Variants in TTC28 observed in about 807,000 individuals in gnomAD.
TTC28 encodes tetratricopeptide repeat protein 28.
TTC28 carries 61 observed loss-of-function variants against 198.0 expected under a neutral mutation model. The ratio of observed to expected loss-of-function variants is 0.31; its 90% CI spans 0.25 to 0.38. The LOEUF (loss-of-function observed/expected upper bound fraction) is 0.38, where lower values mean the gene tolerates loss of function less well. Ranked by LOEUF, TTC28 falls within the 10% of genes least tolerant of loss-of-function variation. The pLI is 1.00. For synonymous variants in TTC28, 1,171 were observed against 1,297.8 expected, an observed-to-expected ratio of 0.90 and a Z score of 2.10; for missense variants, 2,678 against 3,164.0, an observed-to-expected ratio of 0.85 and a Z score of 3.69.
chr22:28,467,919 G>T (rs932091364), intron 2 of TTC28, among the ~76,000 whole-genome samples: 4 of 151,906 alleles, frequency 2.6e-5, no homozygotes, highest in Admixed American at 6.6e-5. Flanking sequence ...ATGCCACTGC[G>T]CCCGGCTAAT....
chr22:28,214,232 A>G (rs1312581596), intron 5 of TTC28, among the ~76,000 whole-genome samples: 2 of 152,234 alleles, frequency 1.3e-5, no homozygotes, highest in East Asian at 1.9e-4. Context: ...CAAGGACTTC[A>G]TGTCTAAAAC....
chr22:28,254,410 ATTACAAGG>A (rs934154903), intron 5 of TTC28, among the ~76,000 whole-genome samples: 1 of 152,078 alleles, frequency 6.6e-6, no homozygotes, highest in African/African-American at 2.4e-5. Flanking sequence ...TGAAGAAGCA[ATTACAAGG>A]TAATAAAGAA....
At chr22:28,335,134 T>C (rs2045689139) in intron 2 of TTC28, among the ~76,000 whole-genome samples, 1 of 152,214 alleles carries the variant, frequency 6.6e-6, no homozygotes, top group Non-Finnish European at 1.5e-5. Context: ...TTGCTTGTTT[T>C]TGTCAGGTTT....
chr22:27,998,697 G>A lies in TTC28; in HGVS notation c.4962C>T (p.Leu1654=), dbSNP rs187345071. 3.0e-3 allele frequency: 4,602 copies of A among 1,550,934 alleles called. 9 individuals carry two copies. Among genetic ancestry groups the A allele is most frequent in the Admixed American group, 3.9e-3 (199 of 51,014 alleles). The change falls in exon 16 of 23, where the codon CTC becomes CTT. Residue 1654 remains leucine (L), a synonymous_variant. Transcript: ENST00000397906. ...CCACTGGCACAGGCCACAGAGACACGAGGACACACTGAGCGCCGGCAGCCA... is the reference window on the plus strand; with the variant it reads ...CCACTGGCACAGGCCACAGAGACACAAGGACACACTGAGCGCCGGCAGCCA... The part of the protein sequence containing the change: ...AFLAAGAQCV[L]VSLWPVPVAA...
At chr22:28,154,777 AATTATTTTATT>A in intron 6 of TTC28, among the ~76,000 whole-genome samples, 1 of 152,342 alleles carries the variant, frequency 6.6e-6, no homozygotes, top group East Asian at 1.9e-4. Context: ...AATCATTTTA[AATTATTTTATT>A]ATAAAACAAA....
At chr22:28,608,629 A>C (rs1049449332) in intron 2 of TTC28, among the ~76,000 whole-genome samples, 4 of 151,974 alleles carry the variant, frequency 2.6e-5, no homozygotes, top group Non-Finnish European at 5.9e-5. Flanking sequence ...GAAGGACCTA[A>C]GAAGCTCCTA....
chr22:28,391,748 CT>C (rs898734654), intron 2 of TTC28, among the ~76,000 whole-genome samples: 1 of 152,116 alleles, frequency 6.6e-6, no homozygotes, highest in African/African-American at 2.4e-5. Flanking sequence ...TTCTTCTAAA[CT>C]TTTTTGAAAG....
intron 6 of TTC28, among the ~76,000 whole-genome samples, chr22:28,143,993 A>G (rs1049258173): frequency 5.3e-5 from 8 of 152,160 alleles, no homozygotes; most frequent in Non-Finnish European, 1.0e-4. Flanking sequence ...GAAAGAGAGT[A>G]GAGAAAAAGA....
intron 5 of TTC28, among the ~76,000 whole-genome samples, chr22:28,224,421 AG>A (rs1465401898): frequency 3.3e-5 from 5 of 152,150 alleles, no homozygotes; most frequent in Admixed American, 3.3e-4. Flanking sequence ...ACCCCTAGTG[AG>A]TAGGTTATAT....
chr22:28,147,394 C>T (rs528626380), intron 6 of TTC28, among the ~76,000 whole-genome samples: 200 of 152,166 alleles, frequency 1.3e-3, no homozygotes, highest in African/African-American at 3.4e-3. Context: ...TAAGTACAGC[C>T]GTTATGAAAT....
At chr22:28,237,726 T>C (rs1929354276) in intron 5 of TTC28, among the ~76,000 whole-genome samples, 1 of 152,190 alleles carries the variant, frequency 6.6e-6, no homozygotes, top group African/African-American at 2.4e-5. Context: ...CTTTCCTTTG[T>C]ATAGAATCAA....
chr22:28,215,622 ATGTGTGTG>A (rs765106778), intron 5 of TTC28, among the ~76,000 whole-genome samples: 1 of 150,840 alleles, frequency 6.6e-6, no homozygotes, highest in African/African-American at 2.4e-5. Context: ...GTGTGTGTGT[ATGTGTGTG>A]TGTGTGTATG....
intron 5 of TTC28, among the ~76,000 whole-genome samples, chr22:28,219,198 A>T (rs1044978891): frequency 6.6e-6 from 1 of 152,016 alleles, no homozygotes; most frequent in African/African-American, 2.4e-5. Context: ...TCACTTAACA[A>T]AAATAAAGAA....
intron 5 of TTC28, among the ~76,000 whole-genome samples, chr22:28,223,320 C>A (rs2147208170): frequency 6.6e-6 from 1 of 152,284 alleles, no homozygotes; most frequent in Admixed American, 6.5e-5. Flanking sequence ...GAAAAAGAAA[C>A]TTTTACTCCA....
intron 5 of TTC28, among the ~76,000 whole-genome samples, chr22:28,248,960 T>A (rs555029800): frequency 4.9e-4 from 74 of 152,298 alleles, no homozygotes; most frequent in Middle Eastern, 6.8e-3. Flanking sequence ...ACTGCACATG[T>A]TAATTAATAA....
chr22:27,998,340 TG>T, intron 16 of TTC28, 199 bp downstream of exon 16: 2 of 873,608 alleles, frequency 2.3e-6, no homozygotes, highest in Non-Finnish European at 3.4e-6. Context: ...TGTTGCTCCC[TG>T]GTCCAAAGAT....
At chr22:28,168,208 G>A (rs1341820828) in intron 5 of TTC28, among the ~76,000 whole-genome samples, 2 of 152,172 alleles carry the variant, frequency 1.3e-5, no homozygotes, top group African/African-American at 2.4e-5. Flanking sequence ...CATGCTCATG[G>A]ATAGGAAGAA....
intron 12 of TTC28, among the ~76,000 whole-genome samples, chr22:28,035,265 C>T (rs1048145580): frequency 2.0e-5 from 3 of 152,118 alleles, no homozygotes; most frequent in Admixed American, 1.3e-4. Flanking sequence ...AAGCTGAAAA[C>T]GACAGGCGAG....
chr22:28,635,274 T>C (rs1468778467), intron 1 of TTC28, among the ~76,000 whole-genome samples: 1 of 151,840 alleles, frequency 6.6e-6, no homozygotes, highest in African/African-American at 2.4e-5. Context: ...TGAGCTGAGA[T>C]TGCACCACTG....
Sources: gnomAD v4.1 joint callset for allele counts (sites outside exome capture counted in the v4.1 genomes callset) on GRCh38, gnomAD v4.1.1 for gene constraint, MANE v1.5 for transcripts, NCBI Gene and HGNC (gene_info 2026-07-23, HGNC 2026-07-21) for gene names.